Variants in TMEM132D observed in about 807,000 individuals in gnomAD.
TMEM132D encodes transmembrane protein 132D, also known as mature OL transmembrane protein.
A neutral mutation model predicts 62.3 loss-of-function variants in TMEM132D; 21 were observed. That is an observed-to-expected ratio of 0.34 (90% CI 0.24 to 0.49). TMEM132D has a LOEUF of 0.49. TMEM132D is among the 20% of genes least tolerant of loss of function. The pLI is 0.99. For synonymous variants in TMEM132D, 621 were observed against 575.6 expected (o/e 1.08, Z -1.13); for missense variants, 1,346 against 1,402.8 (o/e 0.96, Z 0.65).
At chr12:129,814,181 G>A (rs758771132) in intron 1 of TMEM132D, among the ~76,000 whole-genome samples, 11 of 152,084 alleles carry the variant, frequency 7.2e-5, no homozygotes, top group Non-Finnish European at 1.5e-4. Flanking sequence ...AGAGTAGGTT[G>A]GATTGGCAGT....
chr12:129,320,513 A>T (rs1868664165), intron 4 of TMEM132D, among the ~76,000 whole-genome samples: 1 of 152,192 alleles, frequency 6.6e-6, no homozygotes, highest in African/African-American at 2.4e-5. Context: ...GGCTAGAAAA[A>T]GATGATACTA....
chr12:129,789,938 A>AT (rs1871353969), intron 1 of TMEM132D, among the ~76,000 whole-genome samples: 1 of 152,188 alleles, frequency 6.6e-6, no homozygotes, highest in Admixed American at 6.5e-5. Flanking sequence ...CACAGAGATT[A>AT]TTTTTTGCAC....
In TMEM132D at chr12:129,575,641, G is replaced by C. The variant is rs186600368; in HGVS notation, c.969-44436C>G. ...AGGAGAAACGCGGGCCTAGTGGTCA[G>C]ATTGGACTTTTTAATGAAAGACAAA... On this transcript the variant is annotated intron_variant, in intron 2 of 8. Coordinates refer to ENST00000422113, the MANE Select transcript of TMEM132D (RefSeq NM_133448.3). Among the ~76,000 whole-genome samples the C allele has an allele frequency of 4.6e-5, 7 of 151,878 alleles. 1 individual carries two copies. The highest frequency in any genetic ancestry group is 4.6e-4 in the Admixed American group (7 of 15,268).
At chr12:129,685,765 G>T (rs1565948643) in intron 2 of TMEM132D, among the ~76,000 whole-genome samples, 1 of 152,148 alleles carries the variant, frequency 6.6e-6, no homozygotes, top group East Asian at 1.9e-4. Flanking sequence ...TGGAAAGGAG[G>T]GTGTACCCTG....
At chr12:129,555,168 C>T (rs1262137442) in intron 2 of TMEM132D, among the ~76,000 whole-genome samples, 1 of 152,172 alleles carries the variant, frequency 6.6e-6, no homozygotes, top group Non-Finnish European at 1.5e-5. Context: ...AAGCTGATTG[C>T]ACAGAATTTA....
Position 129,258,298 on chromosome 12 carries a change from C to A in TMEM132D, c.1300-48635G>T, listed in dbSNP as rs955591912. 2.6e-5 allele frequency among the ~76,000 whole-genome samples: 4 copies of A among 151,980 alleles called. No individual in the cohort carries two copies. In the South Asian group the frequency reaches 6.2e-4, roughly 24 times the overall value. On this transcript the variant is annotated intron_variant, in intron 4 of 8. Coordinates refer to ENST00000422113, the MANE Select transcript of TMEM132D (RefSeq NM_133448.3). ...ATAAATATATAAGGCATAGAACATG[C>A]TAGCAAAGATAATTATTATTATTAT...
At chr12:129,469,726 A>C (rs1332187270) in intron 3 of TMEM132D, among the ~76,000 whole-genome samples, 1 of 152,200 alleles carries the variant, frequency 6.6e-6, no homozygotes, top group African/African-American at 2.4e-5. Context: ...TAGAAAACAG[A>C]ATGGACAGAC....
intron 5 of TMEM132D, among the ~76,000 whole-genome samples, chr12:129,129,146 T>C (rs1162625460): frequency 6.7e-6 from 1 of 148,688 alleles, no homozygotes; most frequent in East Asian, 1.9e-4. Flanking sequence ...CCTTCCTCCT[T>C]CTCCTCCCTA....
chr12:129,877,622 C>CACA (rs1264099223), intron 1 of TMEM132D, among the ~76,000 whole-genome samples: 1 of 142,766 alleles, frequency 7.0e-6, no homozygotes, highest in Non-Finnish European at 1.5e-5. Flanking sequence ...CGCACACACA[C>CACA]ACACACAGAG....
At chr12:129,706,246 G>A (rs952089402) in intron 1 of TMEM132D, among the ~76,000 whole-genome samples, 1 of 151,834 alleles carries the variant, frequency 6.6e-6, no homozygotes, top group African/African-American at 2.4e-5. Flanking sequence ...GTCTCCAGGA[G>A]AACTTAAATA....
At chr12:129,499,417 G>A (rs1875058518) in intron 3 of TMEM132D, among the ~76,000 whole-genome samples, 1 of 152,142 alleles carries the variant, frequency 6.6e-6, no homozygotes, top group African/African-American at 2.4e-5. Flanking sequence ...ATGAGATAAA[G>A]TATGCTTCAG....
intron 3 of TMEM132D, among the ~76,000 whole-genome samples, chr12:129,357,243 T>G (rs1411754429): frequency 1.7e-5 from 2 of 116,642 alleles, no homozygotes. Flanking sequence ...TGAGACCGTG[T>G]CTCAAAAAAA....
intron 1 of TMEM132D, among the ~76,000 whole-genome samples, chr12:129,855,128 G>A (rs71466422): frequency 0.048 from 5,301 of 110,434 alleles, 94 homozygotes; most frequent in African/African-American, 0.053. Context: ...GGCTGCCCTT[G>A]TAACAGAGTC....
intron 5 of TMEM132D, among the ~76,000 whole-genome samples, chr12:129,117,192 T>C (rs1331097533): frequency 1.3e-5 from 2 of 152,088 alleles, no homozygotes; most frequent in Non-Finnish European, 2.9e-5. Context: ...TTAGATTCTG[T>C]ATATATTCTG....
intron 2 of TMEM132D, among the ~76,000 whole-genome samples, chr12:129,608,347 G>A (rs1878682326): frequency 6.6e-6 from 1 of 152,150 alleles, no homozygotes; most frequent in Admixed American, 6.5e-5. Context: ...CCTAATTTCA[G>A]TCTGGACTAG....
chr12:129,437,706 C>A (rs1872823752), intron 3 of TMEM132D, among the ~76,000 whole-genome samples: 1 of 151,526 alleles, frequency 6.6e-6, no homozygotes, highest in Non-Finnish European at 1.5e-5. Context: ...TAAGTACACA[C>A]CTTCAGGAGC....
At chr12:129,233,826 T>G (rs536368626) in intron 4 of TMEM132D, among the ~76,000 whole-genome samples, 2 of 152,092 alleles carry the variant, frequency 1.3e-5, no homozygotes, top group Admixed American at 1.3e-4. Flanking sequence ...TTATTATTTT[T>G]TACACGATTG....
In TMEM132D at chr12:129,827,756, T is replaced by G. The variant is rs894843466; in HGVS notation, c.79+75505A>C. Among the ~76,000 whole-genome samples the G allele has an allele frequency of 6.6e-6, 1 of 152,182 alleles. No individual in the cohort carries two copies. The highest frequency in any genetic ancestry group is 1.5e-5 in the Non-Finnish European group (1 of 68,038). On this transcript the variant is annotated intron_variant, in intron 1 of 8. Coordinates refer to ENST00000422113, the MANE Select transcript of TMEM132D (RefSeq NM_133448.3). The surrounding 1 kb of genome is among the most constrained non-coding windows in gnomAD (Gnocchi z 9.7). Reference sequence around the variant, plus strand: ...TAATCTTTAGCCCCCTCACCTCAGTTAAGTGCATTCCGAGCTAACAGATGC... The same window carrying G: ...TAATCTTTAGCCCCCTCACCTCAGTGAAGTGCATTCCGAGCTAACAGATGC...
chr12:129,570,322 G>A (rs1877476912), intron 2 of TMEM132D, among the ~76,000 whole-genome samples: 1 of 152,224 alleles, frequency 6.6e-6, no homozygotes, highest in African/African-American at 2.4e-5. Context: ...GTCCACTGTA[G>A]TTCCAAGCAT....
Sources: gnomAD v4.1 joint callset for allele counts (sites outside exome capture counted in the v4.1 genomes callset) on GRCh38, gnomAD v4.1.1 for gene constraint, Gnocchi (gnomAD v3.1) non-coding constraint, MANE v1.5 for transcripts, NCBI Gene and HGNC (gene_info 2026-07-23, HGNC 2026-07-21) for gene names.